BCAS3: variants seen among roughly 807,000 people sequenced by gnomAD.
The protein encoded by BCAS3 is BCAS4/BCAS3 fusion.
A neutral mutation model predicts 116.1 loss-of-function variants in BCAS3; 53 were observed. The ratio of observed to expected loss-of-function variants is 0.46; its 90% CI spans 0.37 to 0.57. The LOEUF (loss-of-function observed/expected upper bound fraction) is 0.57, where lower values mean the gene tolerates loss of function less well. Among genes scored for constraint, BCAS3 ranks in the 20% least tolerant of loss-of-function variants. BCAS3 has a pLI of 0.00. For missense variants in BCAS3, 917 were observed against 1,165.4 expected (o/e 0.79, Z 3.10); for synonymous variants, 391 against 408.2 (o/e 0.96, Z 0.51).
chr17:61,064,917 A>G (rs146130722), intron 19 of BCAS3, among the ~76,000 whole-genome samples: 43 of 152,308 alleles, frequency 2.8e-4, no homozygotes, highest in Middle Eastern at 3.4e-3. Flanking sequence ...CTGCTAATCA[A>G]CAGAACAGCC....
At chr17:61,089,538 TTTTTTTTTTGA>T (rs2073367208) in intron 22 of BCAS3, among the ~76,000 whole-genome samples, 1 of 104,160 alleles carries the variant, frequency 9.6e-6, no homozygotes, top group Admixed American at 9.6e-5. Context: ...TTTTTTTTTT[TTTTTTTTTTGA>T]GACGGAGTCT....
rs536830020 is a variant in BCAS3 at position 61,063,986 on chromosome 17, C to T, written c.2030-10934C>T. ...AAGCATCAATAATTTCACCATTCTT[C>T]TACCCAAGCTTGACTGTAAATTTGA... On this transcript the variant is annotated intron_variant, in intron 19 of 23. Transcript: ENST00000407086. This position sits in a 1 kb window ranked among gnomAD's most constrained non-coding sequence, Gnocchi z 5.3. 2.6e-5 allele frequency among the ~76,000 whole-genome samples: 4 copies of T among 152,352 alleles called. No individual in the cohort carries two copies. Among genetic ancestry groups the T allele is most frequent in the African/African-American group, 9.6e-5 (4 of 41,588 alleles).
At chr17:60,986,907 A>G (rs2063175054) in intron 14 of BCAS3, 1 of 140,084 alleles carries the variant, frequency 7.1e-6, no homozygotes, top group South Asian at 2.1e-4. Context: ...ATCTTTGCCC[A>G]GTTTCAATGT....
In BCAS3 at chr17:61,046,035, T is replaced by TTA. The variant is rs1238093293; in HGVS notation, c.2029+5154_2029+5155dup. Among the ~76,000 whole-genome samples, 12 of 12,326 alleles carry TTA rather than the reference T, an allele frequency of 9.7e-4. 1 individual carries two copies. The highest frequency in any genetic ancestry group is 7.6e-3 in the African/African-American group (11 of 1,446). The allele number at this position is 12,326 out of a possible 152,430, so 8.1% of individuals were successfully genotyped here. A position where few individuals can be genotyped will look rare whatever the true frequency, so the allele number is the denominator to read the frequency against. Reference sequence around the variant, plus strand: ...ATTTATATATATATTATATATATATTTATATATATATAATATATATATTAT... The same window carrying TTA: ...ATTTATATATATATTATATATATATTTATATATATATATAATATATATATTAT... On this transcript the variant is annotated intron_variant, in intron 19 of 23. Transcript: ENST00000407086.
intron 20 of BCAS3, among the ~76,000 whole-genome samples, chr17:61,076,251 C>CT (rs1221702348): frequency 3.9e-5 from 6 of 152,230 alleles, no homozygotes; most frequent in Non-Finnish European, 8.8e-5. Flanking sequence ...GGTTACCAAT[C>CT]TGACAGCTTT....
At chr17:60,690,871 G>C (rs566137575) in intron 4 of BCAS3, among the ~76,000 whole-genome samples, 42 of 152,122 alleles carry the variant, frequency 2.8e-4, no homozygotes, top group Non-Finnish European at 4.4e-4. Flanking sequence ...AGTGAGCCGA[G>C]ATTGTGCCAC....
At position 61,301,759 on chromosome 17, in the gene BCAS3, A is replaced by T. The variant is rs189175495; in HGVS notation, c.2426-66568A>T. On this transcript the variant is annotated intron_variant, in intron 22 of 23. Transcript: ENST00000407086. ...AGAAGTTAACAAAAACATAGGAGTG[A>T]TTTTTTTCACAGTCCAAATTCATGG... 1.1e-4 allele frequency among the ~76,000 whole-genome samples: 16 copies of T among 152,234 alleles called. No individual in the cohort carries two copies. In the East Asian group the frequency reaches 3.1e-3, roughly 29 times the overall value.
At chr17:61,298,975 A>G (rs1464158576) in intron 22 of BCAS3, among the ~76,000 whole-genome samples, 1 of 151,812 alleles carries the variant, frequency 6.6e-6, no homozygotes, top group Non-Finnish European at 1.5e-5. Flanking sequence ...GGCACCCTGC[A>G]CCATACCCGG....
At position 61,258,014 on chromosome 17, in the gene BCAS3, C is replaced by T. The variant is rs1193958265; in HGVS notation, c.2426-110313C>T. On this transcript the variant is annotated intron_variant, in intron 22 of 23. Transcript: ENST00000407086. This position sits in a 1 kb window ranked among gnomAD's most constrained non-coding sequence, Gnocchi z 4.7. ...CTTGAGCATAGATTTTCTCTTCCCA[C>T]CTTATTATTTTTGTGCACACTGTTC... Among the ~76,000 whole-genome samples the T allele has an allele frequency of 6.6e-6, 1 of 152,144 alleles. No individual in the cohort carries two copies. Among genetic ancestry groups the T allele is most frequent in the East Asian group, 1.9e-4 (1 of 5,194 alleles).
chr17:60,753,642 C>G (rs1471833266), intron 6 of BCAS3, among the ~76,000 whole-genome samples: 1 of 152,004 alleles, frequency 6.6e-6, no homozygotes, highest in Non-Finnish European at 1.5e-5. Flanking sequence ...ATCACCTGAC[C>G]TCGTGATCTG....
At position 60,768,011 on chromosome 17, in the gene BCAS3, C is replaced by A. The variant is rs566233020; in HGVS notation, c.403+20732C>A. On this transcript the variant is annotated intron_variant, in intron 6 of 23. Transcript: ENST00000407086. ...AACAGGATCTCACTATGTTGCCCAG[C>A]CTGGTCTCAAATTACTGGCCTCAAG... Among the ~76,000 whole-genome samples the A allele has an allele frequency of 9.6e-4, 146 of 152,238 alleles. 1 individual carries two copies. Among genetic ancestry groups the A allele is most frequent in the African/African-American group, 3.3e-3 (139 of 41,544 alleles).
intron 9 of BCAS3, among the ~76,000 whole-genome samples, chr17:60,877,324 G>A (rs1477902955): frequency 6.6e-6 from 1 of 152,088 alleles, no homozygotes; most frequent in East Asian, 1.9e-4. Context: ...GTCACCTCTT[G>A]AGTATCTCTC....
At chr17:60,795,090 AGT>A (rs2047099166) in intron 6 of BCAS3, among the ~76,000 whole-genome samples, 1 of 152,062 alleles carries the variant, frequency 6.6e-6, no homozygotes, top group Non-Finnish European at 1.5e-5. Flanking sequence ...TTCTTTCAGC[AGT>A]GTTTTGTAGT....
intron 5 of BCAS3, among the ~76,000 whole-genome samples, chr17:60,728,050 C>T (rs1282886470): frequency 6.6e-6 from 1 of 152,114 alleles, no homozygotes; most frequent in African/African-American, 2.4e-5. Flanking sequence ...CTCAAGTGAT[C>T]TGCCCACCTC....
chr17:61,070,570 G>A (rs1340812732), intron 19 of BCAS3, among the ~76,000 whole-genome samples: 3 of 151,332 alleles, frequency 2.0e-5, no homozygotes, highest in African/African-American at 4.8e-5. Context: ...TGTAATATAA[G>A]AATGTATTAG....
intron 6 of BCAS3, among the ~76,000 whole-genome samples, chr17:60,796,858 C>T (rs768084543): frequency 6.6e-6 from 1 of 152,120 alleles, no homozygotes; most frequent in East Asian, 1.9e-4. Context: ...GGGCTGTGAA[C>T]TTTCCTCTTA....
intron 6 of BCAS3, among the ~76,000 whole-genome samples, chr17:60,800,943 A>G (rs2144590439): frequency 6.6e-6 from 1 of 152,194 alleles, no homozygotes; most frequent in East Asian, 1.9e-4. Flanking sequence ...CTCTGCTAGT[A>G]CCACTAACTC....
At chr17:61,154,100 G>A (rs368004437) in intron 22 of BCAS3, among the ~76,000 whole-genome samples, 7 of 152,166 alleles carry the variant, frequency 4.6e-5, no homozygotes, top group East Asian at 3.8e-4. Flanking sequence ...TTCTCCTGAA[G>A]GACCTTTCCT....
chr17:60,689,294 C>T (rs1042066665), intron 3 of BCAS3, among the ~76,000 whole-genome samples: 1 of 152,136 alleles, frequency 6.6e-6, no homozygotes, highest in Non-Finnish European at 1.5e-5. Context: ...GTGTCTCAGC[C>T]TCCCCAGTAG....
Sources: allele counts gnomAD v4.1 joint callset (sites outside exome capture counted in the v4.1 genomes callset), GRCh38; gene constraint gnomAD v4.1.1; non-coding constraint Gnocchi (gnomAD v3.1); transcripts MANE v1.5; gene names NCBI Gene and HGNC (gene_info 2026-07-23, HGNC 2026-07-21).